The following AGBL4 variants were observed in gnomAD, a reference collection of about 807,000 sequenced individuals.
AGBL4 encodes the protein cytosolic carboxypeptidase 6.
Under a neutral mutation model 66.4 loss-of-function variants are expected in AGBL4, and 58 were observed. That is an observed-to-expected ratio of 0.87 (90% confidence interval 0.71 to 1.09). AGBL4 has a LOEUF of 1.09. AGBL4 is among the 50% of genes least tolerant of loss of function. AGBL4 has a pLI of 0.00. For synonymous variants in AGBL4, 234 were observed against 222.9 expected (o/e 1.05, Z -0.44); for missense variants, 579 against 631.0 (o/e 0.92, Z 0.88).
intron 6 of AGBL4, among the ~76,000 whole-genome samples, chr1:48,750,896 AC>A (rs960119050): frequency 5.3e-5 from 8 of 151,992 alleles, no homozygotes; most frequent in Admixed American, 2.0e-4. Flanking sequence ...TCTAAGAATT[AC>A]CCCCCACACT....
At chr1:49,073,217 T>C (rs989207866) in intron 4 of AGBL4, among the ~76,000 whole-genome samples, 4 of 152,184 alleles carry the variant, frequency 2.6e-5, no homozygotes, top group African/African-American at 9.6e-5. Context: ...GAGGAGTTTG[T>C]TATTACCCAT....
At chr1:50,012,159 C>G (rs1257016815) in intron 1 of AGBL4, among the ~76,000 whole-genome samples, 2 of 143,696 alleles carry the variant, frequency 1.4e-5, no homozygotes, top group Non-Finnish European at 3.0e-5. Flanking sequence ...GAGCGAGACT[C>G]CGTCTCAAAA....
Position 49,624,548 on chromosome 1 carries a change from T to C in AGBL4, c.282+72765A>G, listed in dbSNP as rs539909885. Among the ~76,000 whole-genome samples the C allele has an allele frequency of 5.3e-5, 8 of 152,274 alleles. No homozygotes were observed. The East Asian group carries it at 1.5e-3, about 29-fold the overall frequency. ...GTAAGAGGAAGTCACTTGGTAAAAT[T>C]TCTAGGTAAAATATCTTTAAACGCA... On this transcript the variant is annotated intron_variant, in intron 3 of 13. Coordinates refer to ENST00000371839, the MANE Select transcript of AGBL4 (RefSeq NM_032785.4).
chr1:49,213,926 G>T (rs1648872645), intron 4 of AGBL4, among the ~76,000 whole-genome samples: 1 of 151,970 alleles, frequency 6.6e-6, no homozygotes, highest in African/African-American at 2.4e-5. Context: ...AGTTCCTGTG[G>T]CCCCCCAACC....
intron 5 of AGBL4, among the ~76,000 whole-genome samples, chr1:48,984,756 T>C (rs983866218): frequency 6.6e-6 from 1 of 151,498 alleles, no homozygotes; most frequent in Non-Finnish European, 1.5e-5. Context: ...TGACCTACGG[T>C]GAAAGTTGGA....
intron 6 of AGBL4, among the ~76,000 whole-genome samples, chr1:48,680,252 C>G (rs1646433778): frequency 6.6e-6 from 1 of 152,192 alleles, no homozygotes; most frequent in East Asian, 1.9e-4. Flanking sequence ...TTCCCTTGTT[C>G]CAGGGCTCTG....
chr1:49,643,188 G>A (rs1213247985), intron 3 of AGBL4, among the ~76,000 whole-genome samples: 1 of 151,730 alleles, frequency 6.6e-6, no homozygotes, highest in African/African-American at 2.4e-5. Flanking sequence ...CACCAAACGG[G>A]ACTAAAGGCA....
intron 3 of AGBL4, among the ~76,000 whole-genome samples, chr1:49,476,028 T>G (rs1646838414): frequency 6.6e-6 from 1 of 152,052 alleles, no homozygotes; most frequent in African/African-American, 2.4e-5. Context: ...GTTGTTAATT[T>G]GAGATCTTTA....
chr1:48,617,231 A>C (rs371120418), intron 9 of AGBL4, among the ~76,000 whole-genome samples: 2 of 152,184 alleles, frequency 1.3e-5, no homozygotes, highest in African/African-American at 4.8e-5. Flanking sequence ...TCTGAAATTA[A>C]CTTTCTAATA....
intron 1 of AGBL4, among the ~76,000 whole-genome samples, chr1:49,950,109 T>A (rs556747261): frequency 7.0e-6 from 1 of 142,588 alleles, no homozygotes; most frequent in South Asian, 2.1e-4. Context: ...TATATATACA[T>A]ATGTATATAC....
intron 5 of AGBL4, among the ~76,000 whole-genome samples, chr1:49,009,447 G>A (rs1203478526): frequency 6.7e-6 from 1 of 149,766 alleles, no homozygotes; most frequent in Non-Finnish European, 1.5e-5. Flanking sequence ...TCTACCAGAG[G>A]TACAAGGAGG....
At chr1:49,833,336 C>G (rs1214792675) in intron 2 of AGBL4, among the ~76,000 whole-genome samples, 1 of 150,610 alleles carries the variant, frequency 6.6e-6, no homozygotes, top group African/African-American at 2.4e-5. Context: ...GGGCTCTGTT[C>G]TGTTCCATTG....
At chr1:49,624,804 T>A (rs1246618329) in intron 3 of AGBL4, among the ~76,000 whole-genome samples, 1 of 152,228 alleles carries the variant, frequency 6.6e-6, no homozygotes, top group African/African-American at 2.4e-5. Flanking sequence ...CATCTAGACC[T>A]TTCTCCATGT....
intron 3 of AGBL4, among the ~76,000 whole-genome samples, chr1:49,451,344 C>A (rs777366614): frequency 2.6e-5 from 4 of 152,014 alleles, no homozygotes; most frequent in Admixed American, 6.6e-5. Flanking sequence ...TGATTTGAGA[C>A]CTTTTTGATG....
intron 3 of AGBL4, among the ~76,000 whole-genome samples, chr1:49,655,057 A>G (rs1646095176): frequency 6.6e-6 from 1 of 152,092 alleles, no homozygotes; most frequent in Non-Finnish European, 1.5e-5. Context: ...GCAGATGCTC[A>G]TACCGGTTAT....
At chr1:49,220,766 G>A (rs1649432736) in intron 4 of AGBL4, among the ~76,000 whole-genome samples, 1 of 152,110 alleles carries the variant, frequency 6.6e-6, no homozygotes, top group South Asian at 2.1e-4. Context: ...TCCAAGCTGA[G>A]TGTGAACTCA....
chr1:49,982,308 G>T (rs552829706), intron 1 of AGBL4, among the ~76,000 whole-genome samples: 2 of 152,356 alleles, frequency 1.3e-5, no homozygotes, highest in South Asian at 4.1e-4. Context: ...GAAGCCCTCT[G>T]CCCTTCTGAG....
chr1:49,204,779 A>C (rs939104281), intron 4 of AGBL4, among the ~76,000 whole-genome samples: 2 of 152,134 alleles, frequency 1.3e-5, no homozygotes, highest in African/African-American at 4.8e-5. Flanking sequence ...CAGGTCCCTT[A>C]ACTCTGAAAC....
intron 2 of AGBL4, among the ~76,000 whole-genome samples, chr1:49,831,912 A>C (rs1645692979): frequency 6.6e-6 from 1 of 152,016 alleles, no homozygotes; most frequent in Non-Finnish European, 1.5e-5. Flanking sequence ...AATTACATTT[A>C]TTAATTTGCA....
Sources: gnomAD v4.1 joint callset for allele counts (sites outside exome capture counted in the v4.1 genomes callset) on GRCh38, gnomAD v4.1.1 for gene constraint, MANE v1.5 for transcripts, NCBI Gene and HGNC (gene_info 2026-07-23, HGNC 2026-07-21) for gene names.